Variants in RPS6KC1 observed in about 807,000 individuals in gnomAD.
The protein encoded by RPS6KC1 is inactive ribosomal protein S6 kinase delta-1.
A neutral mutation model predicts 103.8 loss-of-function variants in RPS6KC1; 54 were observed. The observed-to-expected ratio is 0.52, with a 90% CI of 0.42 to 0.65. RPS6KC1 has a LOEUF of 0.65. Among genes scored for constraint, RPS6KC1 ranks in the 30% least tolerant of loss-of-function variants. The pLI is 0.00. For missense variants in RPS6KC1, 1,151 were observed against 1,253.8 expected, an observed-to-expected ratio of 0.92 and a Z score of 1.24; for synonymous variants, 439 against 438.7, an observed-to-expected ratio of 1.00 and a Z score of -0.01.
At chr1:213,772,599 C>A in the RPS6KC1 span, among the ~76,000 whole-genome samples, 376 of 149,580 alleles carry the variant, frequency 2.5e-3, 1 homozygote, top group African/African-American at 8.0e-3. Context: ...GCCCACCCCC[C>A]ACCAGTGTCC....
At chr1:213,705,919 T>A in the RPS6KC1 span, among the ~76,000 whole-genome samples, 1 of 152,192 alleles carries the variant, frequency 6.6e-6, no homozygotes, top group Non-Finnish European at 1.5e-5. Flanking sequence ...TCACAACTCT[T>A]ACTGTACCTA....
the RPS6KC1 span, among the ~76,000 whole-genome samples, chr1:213,696,579 AG>A: frequency 6.6e-6 from 1 of 151,950 alleles, no homozygotes; most frequent in East Asian, 1.9e-4. Context: ...GAGAGAAAAA[AG>A]TTTGAAAGTG....
At chr1:213,774,443 T>G in the RPS6KC1 span, among the ~76,000 whole-genome samples, 6 of 152,282 alleles carry the variant, frequency 3.9e-5, no homozygotes, top group South Asian at 1.2e-3. Flanking sequence ...ATCCAGAACC[T>G]GGGGCCCTAC....
At chr1:213,536,220 G>T in the RPS6KC1 span, among the ~76,000 whole-genome samples, 2 of 152,062 alleles carry the variant, frequency 1.3e-5, no homozygotes, top group Non-Finnish European at 2.9e-5. Flanking sequence ...TGCATAAAAC[G>T]GAGTAAATGA....
At chr1:213,668,621 C>T in the RPS6KC1 span, among the ~76,000 whole-genome samples, 1 of 152,098 alleles carries the variant, frequency 6.6e-6, no homozygotes, top group Non-Finnish European at 1.5e-5. Context: ...TAGCCCCTAA[C>T]AAGAGATCCA....
the RPS6KC1 span, among the ~76,000 whole-genome samples, chr1:213,487,690 G>A: frequency 6.6e-6 from 1 of 152,086 alleles, no homozygotes; most frequent in South Asian, 2.1e-4. Context: ...TGTGCAAGGG[G>A]GTCCTGGGTA....
chr1:213,782,779 A>T, the RPS6KC1 span, among the ~76,000 whole-genome samples: 3 of 152,160 alleles, frequency 2.0e-5, no homozygotes, highest in African/African-American at 7.2e-5. Flanking sequence ...TCCACCCTAA[A>T]TTTGGCCAAA....
At chr1:213,517,051 T>C in the RPS6KC1 span, among the ~76,000 whole-genome samples, 6 of 152,230 alleles carry the variant, frequency 3.9e-5, no homozygotes, top group Non-Finnish European at 8.8e-5. Flanking sequence ...GTAGTTTTTA[T>C]TTCTGTGGGA....
At chr1:213,186,482 T>C (rs964847456) in intron 8 of RPS6KC1, among the ~76,000 whole-genome samples, 7 of 152,184 alleles carry the variant, frequency 4.6e-5, no homozygotes, top group South Asian at 2.1e-4. Flanking sequence ...TGTTATTTGC[T>C]TCTTTTCTCT....
chr1:213,855,175 T>C, the RPS6KC1 span, among the ~76,000 whole-genome samples: 1 of 152,222 alleles, frequency 6.6e-6, no homozygotes, highest in African/African-American at 2.4e-5. Flanking sequence ...CTTCAACATA[T>C]GAATTTTGGG....
intron 3 of RPS6KC1, among the ~76,000 whole-genome samples, chr1:213,078,668 C>T (rs1285635851): frequency 6.6e-6 from 1 of 152,184 alleles, no homozygotes; most frequent in African/African-American, 2.4e-5. Flanking sequence ...TCCCAAAGTG[C>T]TGGGATTACA....
intron 3 of RPS6KC1, among the ~76,000 whole-genome samples, chr1:213,101,645 A>G (rs2082027097): frequency 1.3e-5 from 2 of 152,186 alleles, no homozygotes; most frequent in African/African-American, 4.8e-5. Context: ...AGATTTCTCA[A>G]CAAGTAGTTA....
the RPS6KC1 span, among the ~76,000 whole-genome samples, chr1:213,491,107 T>C: frequency 1.3e-5 from 2 of 152,170 alleles, no homozygotes; most frequent in South Asian, 4.1e-4. Flanking sequence ...GGTTAGGCAC[T>C]GAGGGCAGTT....
intron 6 of RPS6KC1, among the ~76,000 whole-genome samples, chr1:213,144,665 A>G (rs1027495002): frequency 2.6e-5 from 4 of 152,020 alleles, no homozygotes; most frequent in African/African-American, 4.8e-5. Flanking sequence ...TCTTTACCCT[A>G]TTCTCCTTAG....
the RPS6KC1 span, among the ~76,000 whole-genome samples, chr1:213,765,010 C>A: frequency 2.9e-4 from 44 of 152,270 alleles, no homozygotes; most frequent in African/African-American, 1.0e-3. Context: ...GGATCTATTC[C>A]AGCAAGTTTT....
At chr1:213,369,217 T>C in the RPS6KC1 span, among the ~76,000 whole-genome samples, 20,692 of 152,224 alleles carry the variant, frequency 0.14, 1,518 homozygotes, top group Middle Eastern at 0.21. Context: ...GTTGAAGTTA[T>C]AGGGCATGAG....
the RPS6KC1 span, among the ~76,000 whole-genome samples, chr1:213,703,602 G>C: frequency 2.6e-5 from 4 of 152,028 alleles, no homozygotes; most frequent in Admixed American, 6.6e-5. Flanking sequence ...ATGTTTGAAG[G>C]ATATTTTACC....
At chr1:213,465,799 T>C in the RPS6KC1 span, among the ~76,000 whole-genome samples, 1 of 152,274 alleles carries the variant, frequency 6.6e-6, no homozygotes, top group East Asian at 1.9e-4. Context: ...TATTTTCTTA[T>C]CTATTAAATA....
the RPS6KC1 span, among the ~76,000 whole-genome samples, chr1:213,744,406 G>A: frequency 1.3e-5 from 2 of 152,206 alleles, no homozygotes; most frequent in African/African-American, 4.8e-5. Context: ...ACACAAAAAC[G>A]CAGTATGCTT....
Sources: gnomAD v4.1 joint callset for allele counts (sites outside exome capture counted in the v4.1 genomes callset) on GRCh38, gnomAD v4.1.1 for gene constraint, MANE v1.5 for transcripts, NCBI Gene and HGNC (gene_info 2026-07-23, HGNC 2026-07-21) for gene names.